The following LMX1B variants were observed in gnomAD, a reference collection of about 807,000 sequenced individuals.
LMX1B encodes the protein LIM homeobox transcription factor 1 beta.
A neutral mutation model predicts 51.4 loss-of-function variants in LMX1B; 12 were observed. That is an observed-to-expected ratio of 0.23 (90% CI 0.15 to 0.38). The LOEUF (loss-of-function observed/expected upper bound fraction) is 0.38. Ranked by LOEUF, LMX1B falls within the 10% of genes least tolerant of loss-of-function variation. LMX1B has a pLI of 1.00. For missense variants in LMX1B, 445 were observed against 571.1 expected, an observed-to-expected ratio of 0.78 and a Z score of 2.25; for synonymous variants, 237 against 235.4, an observed-to-expected ratio of 1.01 and a Z score of -0.06.
chr9:126,634,866 G>T (rs1196014911), intron 2 of LMX1B, among the ~76,000 whole-genome samples: 1 of 152,144 alleles, frequency 6.6e-6, no homozygotes, highest in Non-Finnish European at 1.5e-5. Context: ...CTTTGCAGGT[G>T]TGGGGTACAG....
At chr9:126,633,678 C>G (rs954459253) in intron 2 of LMX1B, among the ~76,000 whole-genome samples, 3 of 152,176 alleles carry the variant, frequency 2.0e-5, no homozygotes, top group African/African-American at 7.2e-5. Context: ...CTGTAGCTGT[C>G]CCCTCCTCCG....
At chr9:126,686,643 G>A (rs890417866) in intron 2 of LMX1B, among the ~76,000 whole-genome samples, 1 of 152,200 alleles carries the variant, frequency 6.6e-6, no homozygotes, top group African/African-American at 2.4e-5. Flanking sequence ...GGAAGAGACA[G>A]ACATGGGCAT....
At chr9:126,630,997 G>A (rs1285602802) in intron 2 of LMX1B, among the ~76,000 whole-genome samples, 3 of 152,242 alleles carry the variant, frequency 2.0e-5, no homozygotes, top group South Asian at 2.1e-4. Flanking sequence ...GTGAGGGCTC[G>A]GCCCCCTCCC....
chr9:126,659,843 G>A (rs1259036535), intron 2 of LMX1B, among the ~76,000 whole-genome samples: 2 of 151,548 alleles, frequency 1.3e-5, no homozygotes, highest in African/African-American at 4.9e-5. Context: ...AGATTGTCCT[G>A]TGTGGGAGTG....
chr9:126,678,338 AAAAC>A (rs1836610612), intron 2 of LMX1B, among the ~76,000 whole-genome samples: 1 of 149,072 alleles, frequency 6.7e-6, no homozygotes, highest in African/African-American at 2.6e-5. Context: ...ACAAAAAAAA[AAAAC>A]AAAAAGACTG....
At chr9:126,663,461 G>C (rs146462739) in intron 2 of LMX1B, among the ~76,000 whole-genome samples, 19 of 151,760 alleles carry the variant, frequency 1.3e-4, no homozygotes, top group African/African-American at 4.1e-4. Flanking sequence ...AATTTTGAGA[G>C]CAGAGGGACT....
intron 1 of LMX1B, 115 bp downstream of exon 1, chr9:126,614,703 G>A (rs528488015): frequency 1.9e-4 from 229 of 1,187,050 alleles, no homozygotes; most frequent in Non-Finnish European, 2.4e-4. Flanking sequence ...CAGGACATGG[G>A]GAGGAGGCAG....
At chr9:126,678,938 C>A (rs1836622561) in intron 2 of LMX1B, among the ~76,000 whole-genome samples, 1 of 152,176 alleles carries the variant, frequency 6.6e-6, no homozygotes, top group African/African-American at 2.4e-5. Flanking sequence ...GTTGTTACAG[C>A]CCTAATTAAA....
Position 126,626,651 on chromosome 9 carries a change from G to GT in LMX1B, c.326+11089dup, listed in dbSNP as rs375303043. ...CCTCGAAACACTTGATACCAACTTT[G>GT]TTTTTTTGGCAAGAAAAATAAGCCT... On this transcript the variant is annotated intron_variant, in intron 2 of 7. Coordinates refer to ENST00000373474, the MANE Select transcript of LMX1B (RefSeq NM_001174147.2). The surrounding 1 kb of genome is among the most constrained non-coding windows in gnomAD (Gnocchi z 4.3). 6.7e-6 allele frequency among the ~76,000 whole-genome samples: 1 copy of GT among 149,250 alleles called. No homozygotes were observed. The highest frequency in any genetic ancestry group is 1.5e-5 in the Non-Finnish European group (1 of 66,352).
At chr9:126,634,566 A>G (rs1376115016) in intron 2 of LMX1B, among the ~76,000 whole-genome samples, 1 of 150,880 alleles carries the variant, frequency 6.6e-6, no homozygotes, top group Non-Finnish European at 1.5e-5. Flanking sequence ...TCAGTTACCC[A>G]CCTCCTGCAT....
chr9:126,664,718 T>A (rs951075749), intron 2 of LMX1B, among the ~76,000 whole-genome samples: 1 of 152,012 alleles, frequency 6.6e-6, no homozygotes, highest in East Asian at 1.9e-4. Context: ...TACTAAAAAA[T>A]ACAAAAATTA....
At chr9:126,657,469 C>T (rs1836138859) in intron 2 of LMX1B, among the ~76,000 whole-genome samples, 1 of 152,206 alleles carries the variant, frequency 6.6e-6, no homozygotes, top group South Asian at 2.1e-4. Context: ...TGACATGTTT[C>T]CAGGATCACC....
Position 126,618,212 on chromosome 9 carries a change from C to G in LMX1B, c.326+2643C>G, listed in dbSNP as rs1835339566. Among the ~76,000 whole-genome samples, 1 of 152,150 alleles carries G rather than the reference C, an allele frequency of 6.6e-6. No individual in the cohort carries two copies. The highest frequency in any genetic ancestry group is 1.5e-5 in the Non-Finnish European group (1 of 68,024). On this transcript the variant is annotated intron_variant, in intron 2 of 7. Coordinates refer to ENST00000373474, the MANE Select transcript of LMX1B (RefSeq NM_001174147.2). This position sits in a 1 kb window ranked among gnomAD's most constrained non-coding sequence, Gnocchi z 4.5. ...AGAAATTAACAATCCCCCCACCAAA[C>G]ACAACTTCTGAAAAATGTGTCCTCA...
At chr9:126,617,225 C>T (rs560532258) in intron 2 of LMX1B, among the ~76,000 whole-genome samples, 4 of 151,966 alleles carry the variant, frequency 2.6e-5, no homozygotes, top group African/African-American at 7.2e-5. Context: ...AGCCTCTAGC[C>T]CCCTCCCCAC....
Position 126,700,598 on chromosome 9 carries a change from C to CA in LMX1B, c.*4148dup, listed in dbSNP as rs2030507736. 3 of 152,452 alleles carry CA rather than the reference C, an allele frequency of 2.0e-5. No individual in the cohort carries two copies. In the South Asian group the frequency reaches 6.2e-4, roughly 32 times the overall value. 9.4% of individuals were successfully genotyped at this position (152,452 alleles called of 1,614,324 possible). ...ACGCACGCGCTCGCACACACACACT[C>CA]ACACCTGGACGCACACGGAGGCTTG... is the stretch of plus-strand genomic sequence containing the variant. On this transcript the variant is annotated 3_prime_UTR_variant, in exon 8 of 8. Transcript: ENST00000373474.
At chr9:126,667,386 T>A (rs1044363962) in intron 2 of LMX1B, among the ~76,000 whole-genome samples, 4 of 152,236 alleles carry the variant, frequency 2.6e-5, no homozygotes, top group African/African-American at 9.6e-5. Flanking sequence ...TGACAGCCCT[T>A]TGGGCAGCTG....
chr9:126,654,756 G>T (rs191666812), intron 2 of LMX1B, among the ~76,000 whole-genome samples: 1 of 152,346 alleles, frequency 6.6e-6, no homozygotes, highest in African/African-American at 2.4e-5. Context: ...GCCACGGAGA[G>T]CCAGGTGGGC....
chr9:126,638,735 C>T (rs1031776834), intron 2 of LMX1B, among the ~76,000 whole-genome samples: 1 of 152,160 alleles, frequency 6.6e-6, no homozygotes, highest in Non-Finnish European at 1.5e-5. Context: ...GAGCGCGCTC[C>T]GATCTCTCCC....
Position 126,647,523 on chromosome 9 carries a change from T to C in LMX1B, c.326+31954T>C, listed in dbSNP as rs543442018. Among the ~76,000 whole-genome samples the C allele has an allele frequency of 6.6e-4, 101 of 152,336 alleles. 1 individual carries two copies. The highest frequency in any genetic ancestry group is 1.2e-3 in the South Asian group (6 of 4,832). ...AGTGTTCATTTAACTAGTCCCCTGATGATGGACAGTGGGGTTTGCATCCTG... is the reference window on the plus strand; with the variant it reads ...AGTGTTCATTTAACTAGTCCCCTGACGATGGACAGTGGGGTTTGCATCCTG... On this transcript the variant is annotated intron_variant, in intron 2 of 7. Transcript: ENST00000373474.
Sources: gnomAD v4.1 joint callset for allele counts (sites outside exome capture counted in the v4.1 genomes callset) on GRCh38, gnomAD v4.1.1 for gene constraint, Gnocchi (gnomAD v3.1) non-coding constraint, MANE v1.5 for transcripts, NCBI Gene and HGNC (gene_info 2026-07-23, HGNC 2026-07-21) for gene names.